ZBTB17: variants seen among roughly 807,000 people sequenced by gnomAD.
ZBTB17 encodes zinc finger and BTB domain containing 17.
A neutral mutation model predicts 85.1 loss-of-function variants in ZBTB17; 24 were observed. The observed-to-expected ratio is 0.28, with a 90% confidence interval of 0.20 to 0.40. The LOEUF is 0.40. ZBTB17 is among the 10% of genes least tolerant of loss of function. ZBTB17 has a pLI of 1.00. For missense variants in ZBTB17, 743 were observed against 1,105.1 expected (o/e 0.67, Z 4.65); for synonymous variants, 464 against 460.2 (o/e 1.01, Z -0.11).
chr1:15,955,156 A>AAAAC (rs372359756), intron 2 of ZBTB17, among the ~76,000 whole-genome samples: 60 of 152,244 alleles, frequency 3.9e-4, no homozygotes, highest in South Asian at 8.3e-4. Flanking sequence ...TCTGTCTCCA[A>AAAAC]AAACAAACAA....
rs1047179149 is a variant in ZBTB17 at position 15,951,865 on chromosome 1, G to A, written c.-2-3368C>T. On this transcript the variant is annotated intron_variant, in intron 2 of 15. Coordinates refer to ENST00000375743, the MANE Select transcript of ZBTB17 (RefSeq NM_003443.3). The surrounding 1 kb of genome is among the most constrained non-coding windows in gnomAD (Gnocchi z 4.1). Reference sequence around the variant, plus strand: ...GTACGTGCTAGGAGGTGCTGTCTGGGGAGACGTTAACCACAGTAATCAGAT... The same window carrying A: ...GTACGTGCTAGGAGGTGCTGTCTGGAGAGACGTTAACCACAGTAATCAGAT... Among the ~76,000 whole-genome samples, 1 of 152,108 alleles carries A rather than the reference G, an allele frequency of 6.6e-6. No homozygotes were observed. Among genetic ancestry groups the A allele is most frequent in the African/African-American group, 2.4e-5 (1 of 41,396 alleles).
chr1:15,945,241 T>C, intron 6 of ZBTB17, 39 bp from the exon 7 acceptor site: 1 of 1,545,182 alleles, frequency 6.5e-7, no homozygotes, highest in East Asian at 2.4e-5. Context: ...GGCAGCCCTC[T>C]CTGCCTGAGC....
At position 15,943,799 on chromosome 1, in the gene ZBTB17, TG is replaced by T; in HGVS notation, c.1459+8del. On this transcript the variant is annotated splice_region_variant and intron_variant, in intron 10 of 15. Transcript: ENST00000375743. ...GGTGTGAGGGCAGCCAGGGCAGCCC[TG>T]GCCCTACCTGAGGTGGTGAACTGCT... is the stretch of plus-strand genomic sequence containing the variant. 10 of 1,612,382 alleles carry T rather than the reference TG, an allele frequency of 6.2e-6. No individual in the cohort carries two copies. The highest frequency in any genetic ancestry group is 8.5e-6 in the Non-Finnish European group (10 of 1,179,594).
chr1:15,945,057 C>T lies in ZBTB17; in HGVS notation c.807G>A (p.Glu269=). The change falls in exon 7 of 16, where the codon GAG becomes GAA. Residue 269 remains glutamate (E), a synonymous_variant. Coordinates refer to ENST00000375743, the MANE Select transcript of ZBTB17 (RefSeq NM_003443.3). The part of the protein sequence containing the change: ...NGEAPEENEN[E]ESAGTDSGQE... ...GCCCCGAGTCTGTGCCCGCTGACTC[C>T]TCATTCTCGTTCTCCTCGGGGGCCT... 6.2e-7 allele frequency: 1 copy of T among 1,611,570 alleles called. No homozygotes were observed. The highest frequency in any genetic ancestry group is 8.5e-7 in the Non-Finnish European group (1 of 1,179,350).
chr1:15,947,178 C>T (rs531020168), intron 3 of ZBTB17, 55 bp from the exon 4 acceptor site: 3 of 1,531,392 alleles, frequency 2.0e-6, no homozygotes, highest in East Asian at 4.7e-5. Flanking sequence ...GCACCGGCAG[C>T]CTGCCCCACC....
intron 2 of ZBTB17, among the ~76,000 whole-genome samples, chr1:15,955,454 T>C (rs1246823611): frequency 6.6e-6 from 1 of 152,216 alleles, no homozygotes. Flanking sequence ...GACAACCTGA[T>C]TCTGATATTT....
At chr1:15,971,957 C>T (rs1029989256) in intron 2 of ZBTB17, among the ~76,000 whole-genome samples, 1 of 151,384 alleles carries the variant, frequency 6.6e-6, no homozygotes, top group South Asian at 2.1e-4. Context: ...AGCCACTCAA[C>T]GGGAGGGCAG....
rs543370499 is a variant in ZBTB17 at position 15,973,482 on chromosome 1, C to T, written c.-89-357G>A. ...CTTTGTTTCTCATTGCATACCCTAC[C>T]CTAGGTGAGCTCATCCCCTCCCATG... On this transcript the variant is annotated intron_variant, in intron 1 of 15. Coordinates refer to ENST00000375743, the MANE Select transcript of ZBTB17 (RefSeq NM_003443.3). The surrounding 1 kb of genome is among the most constrained non-coding windows in gnomAD (Gnocchi z 4.1). Among the ~76,000 whole-genome samples, 133 of 152,290 alleles carry T rather than the reference C, an allele frequency of 8.7e-4. No homozygotes were observed. The highest frequency in any genetic ancestry group is 3.0e-3 in the African/African-American group (123 of 41,556).
At chr1:15,960,203 G>A (rs2148796036) in intron 2 of ZBTB17, among the ~76,000 whole-genome samples, 1 of 152,296 alleles carries the variant, frequency 6.6e-6, no homozygotes, top group South Asian at 2.1e-4. Flanking sequence ...CTAGTTAAGT[G>A]CCTCAGGCAG....
At chr1:15,944,000 G>T in intron 9 of ZBTB17, 105 bp from the exon 10 acceptor site, 2 of 1,181,806 alleles carry the variant, frequency 1.7e-6, no homozygotes, top group Non-Finnish European at 2.5e-6. Context: ...GCTTGCCAGG[G>T]TCCGTGAAGG....
chr1:15,942,589 C>T lies in ZBTB17; in HGVS notation c.1978G>A (p.Asp660Asn). Residue 660 changes from aspartate (D) to asparagine (N), a missense_variant, in exon 14 of 16, where the codon GAT becomes AAT. Around this residue, in one of 4 missense-constraint regions of ZBTB17, gnomAD observed 321 missense variants for 615.7 expected, o/e 0.52. Coordinates refer to ENST00000375743, the MANE Select transcript of ZBTB17 (RefSeq NM_003443.3). ...EGSEVSVVTV[D>N]DMVTLATEAL... ...TCGGTAGCCAGCGTGACCATGTCAT[C>T]CACAGTGACCACGCTGACCTCACTG... 6.2e-7 allele frequency: 1 copy of T among 1,613,036 alleles called. No homozygotes were observed. The highest frequency in any genetic ancestry group is 8.5e-7 in the Non-Finnish European group (1 of 1,180,052).
At chr1:15,961,695 G>A (rs1191724955) in intron 2 of ZBTB17, among the ~76,000 whole-genome samples, 3 of 152,226 alleles carry the variant, frequency 2.0e-5, no homozygotes, top group East Asian at 1.9e-4. Context: ...CGATCAATCA[G>A]CAAAGCTGCT....
rs535162148 is a variant in ZBTB17 at position 15,952,909 on chromosome 1, C to G, written c.-2-4412G>C. 4.4e-4 allele frequency: 67 copies of G among 152,428 alleles called. No homozygotes were observed. Among genetic ancestry groups the G allele is most frequent in the African/African-American group, 1.6e-3 (65 of 41,578 alleles). 9.4% of individuals were successfully genotyped at this position (152,428 alleles called of 1,614,324 possible). ...CATCCAACTAAGAAAGACTGACTCA[C>G]CGATGACTTATGCCACTGGGTTTTG... On this transcript the variant is annotated intron_variant, in intron 2 of 15. Transcript: ENST00000375743. The surrounding 1 kb of genome is among the most constrained non-coding windows in gnomAD (Gnocchi z 4.3).
chr1:15,942,838 C>T lies in ZBTB17; in HGVS notation c.1829-100G>A, dbSNP rs1362580325. On this transcript the variant is annotated intron_variant, in intron 13 of 15. Coordinates refer to ENST00000375743, the MANE Select transcript of ZBTB17 (RefSeq NM_003443.3). ...GTTTGCCCAGCAACCCTGTCTTTTA[C>T]AGCAGGAGGTGCTCTGGGGTGGCTG... is the stretch of plus-strand genomic sequence containing the variant. The T allele has an allele frequency of 3.5e-6, 5 of 1,448,608 alleles. No individual in the cohort carries two copies. In the Admixed American group the frequency reaches 6.0e-5, roughly 17 times the overall value. 89.7% of individuals were successfully genotyped at this position (1,448,608 alleles called of 1,614,324 possible). A position where few individuals can be genotyped will look rare whatever the true frequency, so the allele number is the denominator to read the frequency against.
rs1184904184 is a variant in ZBTB17, at chr1:15,966,983, T to C, written c.-3+6056A>G. On this transcript the variant is annotated intron_variant, in intron 2 of 15. Coordinates refer to ENST00000375743, the MANE Select transcript of ZBTB17 (RefSeq NM_003443.3). The surrounding 1 kb of genome is among the most constrained non-coding windows in gnomAD (Gnocchi z 4.1). ...GGCCAGCAAAAGAAGTAGATTATGA[T>C]CTCCAGGACAATATGTTTTGTACAT... 1.3e-5 allele frequency among the ~76,000 whole-genome samples: 2 copies of C among 151,666 alleles called. No individual in the cohort carries two copies.
At chr1:15,965,836 T>A (rs1040653679) in intron 2 of ZBTB17, among the ~76,000 whole-genome samples, 18 of 152,200 alleles carry the variant, frequency 1.2e-4, no homozygotes, top group Non-Finnish European at 5.9e-5. Flanking sequence ...GGTACATTGT[T>A]TAGCAATACA....
At chr1:15,944,075 C>G in intron 9 of ZBTB17, 180 bp from the exon 10 acceptor site, 1 of 975,794 alleles carries the variant, frequency 1.0e-6, no homozygotes, top group Non-Finnish European at 1.6e-6. Flanking sequence ...CCGCCCCACC[C>G]CATTTTTTCA....
intron 2 of ZBTB17, among the ~76,000 whole-genome samples, chr1:15,957,160 CAGTG>C (rs1200248356): frequency 7.3e-6 from 1 of 137,496 alleles, no homozygotes; most frequent in Non-Finnish European, 1.5e-5. Context: ...GCCTGGGTGA[CAGTG>C]AGAGACTCCA....
intron 3 of ZBTB17, among the ~76,000 whole-genome samples, chr1:15,947,802 A>ATG (rs2071675466): frequency 3.3e-5 from 5 of 152,118 alleles, no homozygotes; most frequent in African/African-American, 1.2e-4. Flanking sequence ...GGAGAATAAT[A>ATG]CCTTCTCATG....
Sources: gnomAD v4.1 joint callset for allele counts (sites outside exome capture counted in the v4.1 genomes callset) on GRCh38, gnomAD v4.1.1 for gene constraint, gnomAD v4.1.1 regional missense constraint, Gnocchi (gnomAD v3.1) non-coding constraint, MANE v1.5 for transcripts, NCBI Gene and HGNC (gene_info 2026-07-23, HGNC 2026-07-21) for gene names.